Variants in VWA8 observed in about 807,000 individuals in gnomAD.
VWA8 encodes the protein von Willebrand factor A domain-containing protein 8.
Under a neutral mutation model 241.5 loss-of-function variants are expected in VWA8, and 221 were observed. That is an observed-to-expected ratio of 0.91 (90% confidence interval 0.82 to 1.02). VWA8 has a LOEUF of 1.02. Among genes scored for constraint, VWA8 ranks in the 50% least tolerant of loss-of-function variants. The pLI, the probability that VWA8 is intolerant of heterozygous loss-of-function variation, is 0.00. For missense variants in VWA8, 2,322 were observed against 2,328.7 expected, an observed-to-expected ratio of 1.00 and a Z score of 0.06; for synonymous variants, 852 against 827.1, an observed-to-expected ratio of 1.03 and a Z score of -0.52.
At chr13:41,953,252 A>G (rs1194153493) in intron 1 of VWA8, among the ~76,000 whole-genome samples, 2 of 152,244 alleles carry the variant, frequency 1.3e-5, no homozygotes, top group African/African-American at 4.8e-5. Flanking sequence ...ATTGGAAAAC[A>G]TTATTAATCA....
At chr13:41,727,055 G>T in intron 24 of VWA8, 139 bp downstream of exon 24, 2 of 707,944 alleles carry the variant, frequency 2.8e-6, no homozygotes, top group Non-Finnish European at 4.4e-6. Flanking sequence ...TTCACTAAAA[G>T]GGGGATAATA....
chr13:41,879,276 C>G (rs1334898674), intron 9 of VWA8, among the ~76,000 whole-genome samples: 1 of 151,950 alleles, frequency 6.6e-6, no homozygotes, highest in Non-Finnish European at 1.5e-5. Flanking sequence ...GAATTAATCT[C>G]CCCATTTCCA....
At chr13:41,774,946 T>C (rs1197107169) in intron 20 of VWA8, among the ~76,000 whole-genome samples, 1 of 152,202 alleles carries the variant, frequency 6.6e-6, no homozygotes, top group Admixed American at 6.5e-5. Flanking sequence ...TGATGCCACA[T>C]TGCCACTCTG....
chr13:41,715,374 G>A (rs1376871031), intron 26 of VWA8, among the ~76,000 whole-genome samples: 1 of 151,890 alleles, frequency 6.6e-6, no homozygotes, highest in African/African-American at 2.4e-5. Context: ...GAAAGTTAGA[G>A]CGACATATAA....
At chr13:41,583,820 A>G (rs140260526) in intron 42 of VWA8, among the ~76,000 whole-genome samples, 1 of 152,234 alleles carries the variant, frequency 6.6e-6, no homozygotes, top group Non-Finnish European at 1.5e-5. Context: ...TCCTAGGTGG[A>G]CAGCAGGGAG....
At position 41,819,355 on chromosome 13, in the gene VWA8, T is replaced by C. The variant is rs760532703; in HGVS notation, c.1732A>G (p.Ile578Val). Residue 578 changes from isoleucine (I) to valine (V), a missense_variant, in exon 15 of 45, where the codon ATC becomes GTC. Coordinates refer to ENST00000379310, the MANE Select transcript of VWA8 (RefSeq NM_015058.2). ...ACAGGGGGTTCTGCCAAGGCAATGA[T>C]TCTGAAGGAGGGATGGATAGGAAAA... ...SIFPIHPSFR[I>V]IALAEPPVIG... 6.2e-7 allele frequency: 1 copy of C among 1,609,702 alleles called. No homozygotes were observed. Among genetic ancestry groups the C allele is most frequent in the Non-Finnish European group, 8.5e-7 (1 of 1,179,012 alleles).
chr13:41,609,861 T>C (rs1161487885), intron 39 of VWA8, among the ~76,000 whole-genome samples: 12 of 152,178 alleles, frequency 7.9e-5, no homozygotes, highest in African/African-American at 2.7e-4. Context: ...TCCTCATCCC[T>C]TCCCCATGTC....
intron 2 of VWA8, among the ~76,000 whole-genome samples, chr13:41,940,955 C>T (rs1877569126): frequency 6.6e-6 from 1 of 152,108 alleles, no homozygotes; most frequent in Admixed American, 6.5e-5. Context: ...TATCCAAATG[C>T]TTTCAATATT....
intron 2 of VWA8, chr13:41,927,457 G>A: frequency 3.4e-6 from 1 of 296,374 alleles, no homozygotes; most frequent in Non-Finnish European, 6.9e-6. Flanking sequence ...GACTACCACA[G>A]TTCCATTCAG....
At chr13:41,943,107 T>C (rs2138154689) in intron 2 of VWA8, among the ~76,000 whole-genome samples, 1 of 152,196 alleles carries the variant, frequency 6.6e-6, no homozygotes, top group African/African-American at 2.4e-5. Context: ...AAATAAAAAT[T>C]AATGCTTGGA....
chr13:41,878,655 TC>T (rs1016483810), intron 9 of VWA8, among the ~76,000 whole-genome samples: 3 of 152,080 alleles, frequency 2.0e-5, no homozygotes, highest in Non-Finnish European at 2.9e-5. Context: ...CTAATACCAA[TC>T]CCTTTTTCCT....
At chr13:41,742,667 C>T (rs960458412) in intron 21 of VWA8, among the ~76,000 whole-genome samples, 24 of 152,136 alleles carry the variant, frequency 1.6e-4, no homozygotes, top group African/African-American at 5.6e-4. Context: ...GCAATGTAAT[C>T]GATACACTTT....
intron 37 of VWA8, among the ~76,000 whole-genome samples, chr13:41,645,530 G>A (rs1297670691): frequency 1.3e-5 from 2 of 152,138 alleles, no homozygotes; most frequent in Non-Finnish European, 1.5e-5. Context: ...CCAGATTGCG[G>A]CAGGCCCCTT....
chr13:41,882,348 C>T (rs1230301445), intron 9 of VWA8, among the ~76,000 whole-genome samples: 1 of 151,450 alleles, frequency 6.6e-6, no homozygotes, highest in African/African-American at 2.4e-5. Context: ...GGGCTCCTCA[C>T]GTCCCAGACG....
chr13:41,893,523 A>C (rs531615135), intron 4 of VWA8, among the ~76,000 whole-genome samples: 1 of 152,192 alleles, frequency 6.6e-6, no homozygotes, highest in Non-Finnish European at 1.5e-5. Flanking sequence ...ACAACAACAA[A>C]AAAAAGAATC....
chr13:41,725,393 A>C (rs184683816), intron 24 of VWA8, among the ~76,000 whole-genome samples: 190 of 152,310 alleles, frequency 1.2e-3, no homozygotes, highest in African/African-American at 4.5e-3. Flanking sequence ...TGAGGACAGA[A>C]TATGAAACGG....
chr13:41,787,190 G>T (rs1593772670), intron 18 of VWA8, among the ~76,000 whole-genome samples: 1 of 144,690 alleles, frequency 6.9e-6, no homozygotes, highest in Admixed American at 7.3e-5. Context: ...AGTATCAATT[G>T]TGAGTCTTAA....
At chr13:41,737,742 A>G (rs940712483) in intron 21 of VWA8, among the ~76,000 whole-genome samples, 3 of 152,188 alleles carry the variant, frequency 2.0e-5, no homozygotes, top group African/African-American at 7.2e-5. Flanking sequence ...CATGATGGGT[A>G]TGTTAATTAG....
At chr13:41,738,387 T>C (rs1166607392) in intron 21 of VWA8, among the ~76,000 whole-genome samples, 1 of 152,152 alleles carries the variant, frequency 6.6e-6, no homozygotes, top group African/African-American at 2.4e-5. Flanking sequence ...TGCTGGGAAC[T>C]GCTGGTAGCA....
Sources: gnomAD v4.1 joint callset for allele counts (sites outside exome capture counted in the v4.1 genomes callset) on GRCh38, gnomAD v4.1.1 for gene constraint, MANE v1.5 for transcripts, NCBI Gene and HGNC (gene_info 2026-07-23, HGNC 2026-07-21) for gene names.